UBE3B: variants seen among roughly 807,000 people sequenced by gnomAD.
UBE3B encodes ubiquitin protein ligase E3B.
Under a neutral mutation model 132.3 loss-of-function variants are expected in UBE3B, and 80 were observed. The ratio of observed to expected loss-of-function variants is 0.60; its 90% confidence interval spans 0.50 to 0.73. The LOEUF is 0.73. Ranked by LOEUF, UBE3B falls within the 30% of genes least tolerant of loss-of-function variation. UBE3B has a pLI of 0.00. For missense variants in UBE3B, 1,196 were observed against 1,362.5 expected (o/e 0.88, Z 1.92); for synonymous variants, 487 against 520.4 (o/e 0.94, Z 0.87).
Position 109,528,343 on chromosome 12 carries a change from G to A in UBE3B, c.2628-1547G>A, listed in dbSNP as rs115267443. 37 of 985,018 alleles carry A rather than the reference G, an allele frequency of 3.8e-5. No individual in the cohort carries two copies. In the East Asian group the frequency reaches 2.2e-3, roughly 57 times the overall value. 61.0% of individuals were successfully genotyped at this position (985,018 alleles called of 1,614,324 possible). On this transcript the variant is annotated intron_variant, in intron 24 of 27. Transcript: ENST00000342494. ...TTCTCAGTAAAGTGGAGCAGTACTC[G>A]TCACCTGCTTCAAAGTATACCTGGA...
intron 14 of UBE3B, among the ~76,000 whole-genome samples, chr12:109,504,930 C>T (rs993000209): frequency 1.3e-5 from 2 of 151,900 alleles, no homozygotes; most frequent in Admixed American, 6.5e-5. Flanking sequence ...CTCAGCCTCC[C>T]GAGTAGCTGG....
chr12:109,486,532 A>G lies in UBE3B; in HGVS notation c.404A>G (p.Lys135Arg). 1 of 1,610,538 alleles carries G rather than the reference A, an allele frequency of 6.2e-7. No homozygotes were observed. Among genetic ancestry groups the G allele is most frequent in the Non-Finnish European group, 8.5e-7 (1 of 1,178,416 alleles). The change falls in exon 6 of 28, where the codon AAG (lysine) becomes AGG (arginine). Residue 135 changes from lysine to arginine, a missense_variant. Lys to Arg is a conservative substitution (Grantham distance 26). Transcript: ENST00000342494. ...ACCCTCCTTTGGATTCAACAGATCA[A>G]GAACATTTTGTGGTACTGCTGTGAT... ...DLTLLWIQQI[K>R]NILWYCCDFL...
Position 109,483,676 on chromosome 12 carries a change from G to A in UBE3B, c.125G>A (p.Ser42Asn), listed in dbSNP as rs1487035008. ...GTTGTGATCCAGGCCCATGTCCGGA[G>A]TTTTCTCTGTCGGAGTCGACTGCAG... ...AAVVIQAHVR[S>N]FLCRSRLQRD... Residue 42 changes from serine to asparagine, a missense_variant, in exon 3 of 28, where the codon AGT becomes AAT. By Grantham distance (46) the Ser-to-Asn change is conservative. Transcript: ENST00000342494. 1 of 1,611,266 alleles carries A rather than the reference G, an allele frequency of 6.2e-7. No homozygotes were observed. Among genetic ancestry groups the A allele is most frequent in the Non-Finnish European group, 8.5e-7 (1 of 1,179,004 alleles).
rs1385242575 is a variant in UBE3B, at chr12:109,521,672, A to G, written c.2364+121A>G. On this transcript the variant is annotated intron_variant, in intron 21 of 27. Coordinates refer to ENST00000342494, the MANE Select transcript of UBE3B (RefSeq NM_130466.4). The surrounding 1 kb of genome is among the most constrained non-coding windows in gnomAD (Gnocchi z 4.2). ...AACTGTCACTAGGATACAAGCGAGG[A>G]CAGGGGCAGGAACCAAGGTTTGTTG... 2 of 909,862 alleles carry G rather than the reference A, an allele frequency of 2.2e-6. No homozygotes were observed. The allele number at this position is 909,862 out of a possible 1,614,324, so 56.4% of individuals were successfully genotyped here. A position where few individuals can be genotyped will look rare whatever the true frequency, so the allele number is the denominator to read the frequency against.
the UBE3B span, among the ~76,000 whole-genome samples, chr12:109,545,631 G>A: frequency 6.6e-6 from 1 of 152,190 alleles, no homozygotes; most frequent in Non-Finnish European, 1.5e-5. Context: ...CTCGGTTTGA[G>A]CAGGCAGAAG....
chr12:109,487,827 G>C (rs1876773690), intron 6 of UBE3B, among the ~76,000 whole-genome samples: 1 of 152,204 alleles, frequency 6.6e-6, no homozygotes, highest in Admixed American at 6.5e-5. Flanking sequence ...TGAACAAGCT[G>C]CTTCCCCTCT....
chr12:109,501,509 C>T lies in UBE3B; in HGVS notation c.1257C>T (p.Ser419=), dbSNP rs1878988840. The change falls in exon 13 of 28, where the codon TCC becomes TCT. Residue 419 remains serine (S), a synonymous_variant. Coordinates refer to ENST00000342494, the MANE Select transcript of UBE3B (RefSeq NM_130466.4). ...AGCCAGCCCACGCACAGCCAGCATC[C>T]CCTCAGAATGTGCTCCCAGTGAAGA... is the stretch of plus-strand genomic sequence containing the variant. ...SQEPAHAQPA[S]PQNVLPVKSL... 6.2e-7 allele frequency: 1 copy of T among 1,614,042 alleles called. No homozygotes were observed. Among genetic ancestry groups the T allele is most frequent in the Admixed American group, 1.7e-5 (1 of 60,010 alleles).
At chr12:109,524,608 G>C in intron 23 of UBE3B, 105 bp downstream of exon 23, 1 of 1,294,660 alleles carries the variant, frequency 7.7e-7, no homozygotes, top group Non-Finnish European at 1.1e-6. Context: ...CTGAGGCTCT[G>C]TCTGGTCCCT....
At chr12:109,484,110 G>C (rs2099441457) in intron 4 of UBE3B, 129 bp downstream of exon 4, 5 of 1,011,482 alleles carry the variant, frequency 4.9e-6, no homozygotes, top group South Asian at 4.0e-5. Context: ...TGTCCCTTTT[G>C]TTTTCTTGGG....
At chr12:109,507,450 C>T (rs537156034) in intron 14 of UBE3B, 114 bp from the exon 15 acceptor site, 380 of 1,152,088 alleles carry the variant, frequency 3.3e-4, no homozygotes, top group Middle Eastern at 4.9e-4. Flanking sequence ...TCTTTTCACG[C>T]ACATTAAATG....
chr12:109,494,313 A>G (rs185239425), intron 9 of UBE3B, among the ~76,000 whole-genome samples: 1 of 152,288 alleles, frequency 6.6e-6, no homozygotes, highest in Admixed American at 6.5e-5. Flanking sequence ...TTCTAAGAAT[A>G]ATATATATAT....
Position 109,509,721 on chromosome 12 carries a change from G to A in UBE3B, c.1741+7G>A. ...ATCTGGGATGGAATTGTAGGTAAGA[G>A]AAAAGGTGTCTGCTGTTGTTTGGTT... On this transcript the variant is annotated splice_region_variant and intron_variant, in intron 16 of 27. Coordinates refer to ENST00000342494, the MANE Select transcript of UBE3B (RefSeq NM_130466.4). 6.3e-7 allele frequency: 1 copy of A among 1,583,992 alleles called. No homozygotes were observed. The highest frequency in any genetic ancestry group is 8.6e-7 in the Non-Finnish European group (1 of 1,162,894).
intron 1 of UBE3B, among the ~76,000 whole-genome samples, chr12:109,479,880 A>G (rs1468706760): frequency 1.3e-5 from 2 of 152,090 alleles, no homozygotes; most frequent in East Asian, 3.9e-4. Context: ...TTCTTTTGGG[A>G]AGAGGCTCCC....
At chr12:109,516,446 G>A (rs61941635) in intron 18 of UBE3B, among the ~76,000 whole-genome samples, 2,372 of 152,126 alleles carry the variant, frequency 0.016, 72 homozygotes, top group Admixed American at 0.07. Flanking sequence ...CAGAGTGCTG[G>A]GATTACAGGC....
chr12:109,485,954 T>C, intron 4 of UBE3B, 58 bp from the exon 5 acceptor site: 2 of 1,545,610 alleles, frequency 1.3e-6, no homozygotes, highest in Admixed American at 2.0e-5. Context: ...TTGTTTTCTT[T>C]GTTTTCACTT....
At chr12:109,514,567 T>C (rs1417746214) in intron 18 of UBE3B, among the ~76,000 whole-genome samples, 1 of 152,216 alleles carries the variant, frequency 6.6e-6, no homozygotes, top group African/African-American at 2.4e-5. Flanking sequence ...TCCGCCTGTG[T>C]ATCACCAAAC....
At chr12:109,493,400 C>T (rs956456274) in intron 9 of UBE3B, among the ~76,000 whole-genome samples, 2 of 152,212 alleles carry the variant, frequency 1.3e-5, no homozygotes, top group African/African-American at 2.4e-5. Flanking sequence ...AGCATCCCTC[C>T]CCTGTCCTGG....
intron 18 of UBE3B, among the ~76,000 whole-genome samples, 164 bp from the exon 19 acceptor site, chr12:109,516,601 A>G (rs916105373): frequency 1.3e-5 from 2 of 152,122 alleles, no homozygotes; most frequent in Admixed American, 6.5e-5. Flanking sequence ...GTTCCAGGGA[A>G]TGCTTCTGTT....
chr12:109,520,457 A>T (rs1881564879), intron 19 of UBE3B: 1 of 152,440 alleles, frequency 6.6e-6, no homozygotes, highest in African/African-American at 2.4e-5. Flanking sequence ...CTGTGTCCTA[A>T]CAGAGCTGAC....
Sources: allele counts gnomAD v4.1 joint callset (sites outside exome capture counted in the v4.1 genomes callset), GRCh38; gene constraint gnomAD v4.1.1; non-coding constraint Gnocchi (gnomAD v3.1); transcripts MANE v1.5; gene names NCBI Gene and HGNC (gene_info 2026-07-23, HGNC 2026-07-21).